The following MACF1 variants were observed in gnomAD, a reference collection of about 807,000 sequenced individuals.
The protein encoded by MACF1 is microtubule-actin cross-linking factor 1.
Under a neutral mutation model 854.8 loss-of-function variants are expected in MACF1, and 193 were observed. The ratio of observed to expected loss-of-function variants is 0.23; its 90% CI spans 0.20 to 0.25. The LOEUF (loss-of-function observed/expected upper bound fraction) is 0.25, where lower values mean the gene tolerates loss of function less well. Among genes scored for constraint, MACF1 ranks in the 10% least tolerant of loss-of-function variants. The probability of loss-of-function intolerance (pLI) is 1.00; values close to 1 mark genes in which losing one functional copy is unlikely to be tolerated. For missense variants in MACF1, 7,722 were observed against 8,929.1 expected, an observed-to-expected ratio of 0.86 and a Z score of 5.45; for synonymous variants, 3,185 against 3,226.7, an observed-to-expected ratio of 0.99 and a Z score of 0.44.
At chr1:39,285,813 G>A in intron 14 of MACF1, 55 bp downstream of exon 14, 1 of 1,591,166 alleles carries the variant, frequency 6.3e-7, no homozygotes, top group Non-Finnish European at 8.6e-7. Flanking sequence ...TGAGGCTCAT[G>A]GATCAAGAGT....
chr1:39,258,504 G>A (rs1478826811), intron 6 of MACF1, among the ~76,000 whole-genome samples: 1 of 152,126 alleles, frequency 6.6e-6, no homozygotes, highest in Non-Finnish European at 1.5e-5. Flanking sequence ...TATATGTGCT[G>A]GCAAGCACAA....
intron 58 of MACF1, among the ~76,000 whole-genome samples, chr1:39,396,136 C>T (rs1432260983): frequency 6.6e-6 from 1 of 152,062 alleles, no homozygotes; most frequent in Non-Finnish European, 1.5e-5. Context: ...GTCAGGAGAT[C>T]GAGACCATTC....
chr1:39,480,933 T>A lies in MACF1; in HGVS notation c.22184T>A (p.Phe7395Tyr). 3 of 1,547,814 alleles carry A rather than the reference T, an allele frequency of 1.9e-6. No homozygotes were observed. The highest frequency in any genetic ancestry group is 2.6e-6 in the Non-Finnish European group (3 of 1,144,072). Residue 7395 changes from phenylalanine (F) to tyrosine (Y), a missense_variant, in exon 99 of 101, where the codon TTC (phenylalanine) becomes TAC (tyrosine). Phe to Tyr is a conservative substitution (Grantham distance 22). Transcript: ENST00000564288. ...PASGTKTSLQFSRCYDKPWLV... is the reference protein window; with the variant it reads ...PASGTKTSLQYSRCYDKPWLV... The stretch of plus-strand genomic sequence containing the variant: ...TCCGTTTCACAGACTTCACTTCAGT[T>A]CTCTCGCTGTTATGACAAACCCTGG...
chr1:39,134,688 G>A (rs1360393271), intron 2 of MACF1, among the ~76,000 whole-genome samples: 2 of 152,140 alleles, frequency 1.3e-5, no homozygotes, highest in African/African-American at 2.4e-5. Flanking sequence ...GTTAATATAC[G>A]TAAAACACAT....
chr1:39,402,076 G>T (rs1028238071), intron 58 of MACF1, among the ~76,000 whole-genome samples: 3 of 108,396 alleles, frequency 2.8e-5, no homozygotes, highest in Non-Finnish European at 4.8e-5. Flanking sequence ...GCCAGGCTTG[G>T]TGGTGGGTGC....
chr1:39,393,183 A>T (rs1316731314), intron 58 of MACF1, among the ~76,000 whole-genome samples: 1 of 89,432 alleles, frequency 1.1e-5, no homozygotes, highest in African/African-American at 5.3e-5. Context: ...GGGAAGGGTA[A>T]AAAAAAAAAA....
chr1:39,155,427 T>A (rs624657), intron 2 of MACF1, among the ~76,000 whole-genome samples: 144,095 of 152,230 alleles, frequency 0.95, 68,274 homozygotes, highest in East Asian at 1. Flanking sequence ...GAATAGACTT[T>A]AAAAAAGCAA....
intron 91 of MACF1, chr1:39,459,781 A>T (rs1553440907): frequency 7.8e-7 from 1 of 1,289,172 alleles, no homozygotes. Flanking sequence ...ACAAGCCTCT[A>T]ATATCTTTTG....
intron 84 of MACF1, among the ~76,000 whole-genome samples, chr1:39,450,245 T>C (rs1253255909): frequency 6.6e-6 from 1 of 152,102 alleles, no homozygotes; most frequent in African/African-American, 2.4e-5. Context: ...TCCTCCCACC[T>C]TGGCCTCCCA....
intron 2 of MACF1, among the ~76,000 whole-genome samples, chr1:39,237,285 A>AT (rs1644870262): frequency 6.6e-6 from 1 of 152,178 alleles, no homozygotes; most frequent in Admixed American, 6.5e-5. Flanking sequence ...TGTTCCTCAG[A>AT]TTAAATCAAT....
intron 31 of MACF1, 103 bp downstream of exon 31, chr1:39,319,850 T>C (rs1646479976): frequency 1.3e-6 from 1 of 799,194 alleles, no homozygotes; most frequent in South Asian, 1.7e-5. Flanking sequence ...GCAGAGTTCT[T>C]ATGCTACAAG....
chr1:39,229,107 T>C (rs1316409198), intron 1 of MACF1, among the ~76,000 whole-genome samples: 1 of 152,220 alleles, frequency 6.6e-6, no homozygotes, highest in Non-Finnish European at 1.5e-5. Context: ...ATCAAGAATA[T>C]TGTAGATTTA....
intron 2 of MACF1, among the ~76,000 whole-genome samples, chr1:39,245,476 G>A (rs1644972513): frequency 6.6e-6 from 1 of 151,998 alleles, no homozygotes; most frequent in Non-Finnish European, 1.5e-5. Context: ...ACAGGGTTTT[G>A]TCATGTTGGC....
At chr1:39,097,086 A>G (rs1054775647) in intron 2 of MACF1, among the ~76,000 whole-genome samples, 3 of 151,964 alleles carry the variant, frequency 2.0e-5, no homozygotes, top group Admixed American at 6.6e-5. Context: ...CATGTTGGCC[A>G]GGCTGGTCTT....
rs187787442 is a variant in MACF1 at position 39,150,586 on chromosome 1, T to C, written c.220+66148T>C. 1.6e-4 allele frequency among the ~76,000 whole-genome samples: 25 copies of C among 152,280 alleles called. No homozygotes were observed. The East Asian group carries it at 4.6e-3, about 28-fold the overall frequency. ...TGAGAATCCCCTTTCACAGCCGTGT[T>C]CTTTGTTTCCTCCAAGATTCTTGAA... On this transcript the variant is annotated intron_variant, in intron 2 of 93. Transcript: ENST00000361689.
chr1:39,298,895 C>T lies in MACF1; in HGVS notation c.2481+1150C>T, dbSNP rs76575530. ...CTCTGCAGTGGTTGTCATATCTTCTCTTCTCGAGGGTCGCTGCTCTGTTCC... is the reference window on the plus strand; with the variant it reads ...CTCTGCAGTGGTTGTCATATCTTCTTTTCTCGAGGGTCGCTGCTCTGTTCC... On this transcript the variant is annotated intron_variant, in intron 21 of 100. Transcript: ENST00000564288. Among the ~76,000 whole-genome samples, 1,144 of 152,166 alleles carry T rather than the reference C, an allele frequency of 7.5e-3. 10 individuals are homozygous for T. Among genetic ancestry groups the T allele is most frequent in the Middle Eastern group, 0.017 (5 of 294 alleles).
At chr1:39,147,092 C>T (rs963185998) in intron 2 of MACF1, among the ~76,000 whole-genome samples, 2 of 149,638 alleles carry the variant, frequency 1.3e-5, no homozygotes, top group Non-Finnish European at 3.0e-5. Flanking sequence ...TCTCCTCCTC[C>T]TCCCCTTCCT....
intron 63 of MACF1, among the ~76,000 whole-genome samples, chr1:39,428,701 C>T (rs1036938224): frequency 2.6e-5 from 4 of 152,174 alleles, no homozygotes; most frequent in Non-Finnish European, 4.4e-5. Flanking sequence ...TGGATTTGTT[C>T]AAATTCCGGG....
intron 2 of MACF1, among the ~76,000 whole-genome samples, chr1:39,137,759 A>AGGCAGTTCCGGCAGCATTTGCTTTT (rs1643216370): frequency 6.6e-6 from 1 of 152,170 alleles, no homozygotes; most frequent in Non-Finnish European, 1.5e-5. Flanking sequence ...ATTCAACTAT[A>AGGCAGTTCCGGCAGCATTTGCTTTT]TGAACATACA....
Sources: gnomAD v4.1 joint callset for allele counts (sites outside exome capture counted in the v4.1 genomes callset) on GRCh38, gnomAD v4.1.1 for gene constraint, MANE v1.5 for transcripts, NCBI Gene and HGNC (gene_info 2026-07-23, HGNC 2026-07-21) for gene names.